The following SNX29 variants were observed in gnomAD, a reference collection of about 807,000 sequenced individuals.
SNX29 encodes the protein sorting nexin 29, also known as sorting nexin-29.
Under a neutral mutation model 102.1 loss-of-function variants are expected in SNX29, and 78 were observed. The ratio of observed to expected loss-of-function variants is 0.76; its 90% confidence interval spans 0.64 to 0.92. The LOEUF (loss-of-function observed/expected upper bound fraction) is 0.92, where lower values mean the gene tolerates loss of function less well. Ranked by LOEUF, SNX29 falls within the 40% of genes least tolerant of loss-of-function variation. The probability of loss-of-function intolerance (pLI) is 0.00; values close to 1 mark genes in which losing one functional copy is unlikely to be tolerated. For synonymous variants in SNX29, 580 were observed against 414.5 expected (o/e 1.40, Z -4.85); for missense variants, 1,280 against 1,061.7 (o/e 1.21, Z -2.86).
chr16:12,218,220 T>C (rs1016797244), intron 14 of SNX29, among the ~76,000 whole-genome samples: 1 of 152,260 alleles, frequency 6.6e-6, no homozygotes, highest in Non-Finnish European at 1.5e-5. Context: ...ATGAGTAATA[T>C]ATGCCCTTTA....
At chr16:12,295,211 C>G (rs1160534252) in intron 15 of SNX29, among the ~76,000 whole-genome samples, 15 of 152,164 alleles carry the variant, frequency 9.9e-5, no homozygotes, top group Admixed American at 9.8e-4. Flanking sequence ...CTTCCCATGT[C>G]CTTGCTTCTC....
chr16:12,254,949 C>T (rs770956969), intron 14 of SNX29, among the ~76,000 whole-genome samples: 2 of 152,100 alleles, frequency 1.3e-5, no homozygotes, highest in African/African-American at 2.4e-5. Flanking sequence ...TGGCTGCAGA[C>T]AGGAGTAAGG....
intron 20 of SNX29, among the ~76,000 whole-genome samples, chr16:12,556,755 A>C (rs3135015): frequency 2.6e-5 from 4 of 152,080 alleles, no homozygotes; most frequent in African/African-American, 9.6e-5. Context: ...AAATTAAGGC[A>C]CCCCCAGAGT....
At chr16:12,492,845 A>T (rs1297340557) in intron 19 of SNX29, among the ~76,000 whole-genome samples, 3 of 152,162 alleles carry the variant, frequency 2.0e-5, no homozygotes, top group African/African-American at 7.2e-5. Flanking sequence ...GGTTGTAGAT[A>T]TGCAGCATTA....
At chr16:12,357,044 G>A (rs2082155074) in intron 16 of SNX29, among the ~76,000 whole-genome samples, 1 of 152,184 alleles carries the variant, frequency 6.6e-6, no homozygotes, top group African/African-American at 2.4e-5. Context: ...TAAACATTTA[G>A]GATGTCTCCA....
chr16:12,160,254 G>T (rs2055727409), intron 13 of SNX29, among the ~76,000 whole-genome samples: 1 of 152,202 alleles, frequency 6.6e-6, no homozygotes, highest in African/African-American at 2.4e-5. Flanking sequence ...TCATGTTGCT[G>T]AGGGGCGTCA....
At chr16:12,408,777 G>A (rs563304162) in intron 18 of SNX29, among the ~76,000 whole-genome samples, 67 of 152,304 alleles carry the variant, frequency 4.4e-4, no homozygotes, top group African/African-American at 1.5e-3. Flanking sequence ...CCAAGATTGC[G>A]CCATTGCACT....
chr16:12,163,453 A>C (rs971511089), intron 13 of SNX29, among the ~76,000 whole-genome samples: 3 of 152,092 alleles, frequency 2.0e-5, no homozygotes, highest in African/African-American at 7.3e-5. Context: ...AAGTGGACAG[A>C]GGCCAGACCA....
At chr16:12,547,681 C>T (rs993546168) in intron 20 of SNX29, among the ~76,000 whole-genome samples, 2 of 152,248 alleles carry the variant, frequency 1.3e-5, no homozygotes, top group Middle Eastern at 3.4e-3. Flanking sequence ...GTAATAAAAC[C>T]TGGCCCCCGC....
At chr16:12,406,040 G>A (rs4781225) in intron 18 of SNX29, among the ~76,000 whole-genome samples, 82,958 of 150,724 alleles carry the variant, frequency 0.55, 23,435 homozygotes, top group Non-Finnish European at 0.62. Context: ...CTCAAAAAAA[G>A]AAAACAAGTA....
intron 20 of SNX29, among the ~76,000 whole-genome samples, chr16:12,554,594 C>T (rs139490176): frequency 2.0e-5 from 3 of 152,280 alleles, no homozygotes; most frequent in Non-Finnish European, 2.9e-5. Context: ...TTGGAGCTCC[C>T]AAGCCAGAGG....
intron 18 of SNX29, among the ~76,000 whole-genome samples, chr16:12,468,334 C>T (rs575395206): frequency 6.6e-6 from 1 of 151,998 alleles, no homozygotes; most frequent in East Asian, 1.9e-4. Flanking sequence ...GCCACCATGC[C>T]CCGCTAATTT....
chr16:12,314,236 C>T (rs914942761), intron 15 of SNX29, among the ~76,000 whole-genome samples: 1 of 152,216 alleles, frequency 6.6e-6, no homozygotes, highest in Non-Finnish European at 1.5e-5. Flanking sequence ...TGGTCTCAAA[C>T]GATTCTCCTG....
intron 11 of SNX29, among the ~76,000 whole-genome samples, chr16:12,125,174 A>G (rs2054151440): frequency 6.6e-6 from 1 of 152,198 alleles, no homozygotes; most frequent in South Asian, 2.1e-4. Context: ...GTCACAAAAC[A>G]GCCAATGAGG....
chr16:12,545,273 A>G (rs149011518), intron 20 of SNX29, among the ~76,000 whole-genome samples: 7 of 152,360 alleles, frequency 4.6e-5, no homozygotes, highest in African/African-American at 1.7e-4. Context: ...CTGTTGAGAA[A>G]TTGGTTTGCC....
intron 13 of SNX29, among the ~76,000 whole-genome samples, chr16:12,145,481 T>C (rs350267): frequency 0.13 from 20,111 of 152,122 alleles, 2,088 homozygotes; most frequent in African/African-American, 0.29. Context: ...TTAAGGTTTT[T>C]CCCTTAAGTT....
intron 11 of SNX29, among the ~76,000 whole-genome samples, chr16:12,119,126 G>GTGACTCC (rs1442848797): frequency 6.6e-6 from 1 of 152,208 alleles, no homozygotes; most frequent in Admixed American, 6.5e-5. Flanking sequence ...GTGTAAAAAT[G>GTGACTCC]TGACTCCTGG....
rs183473944 is a variant in SNX29 at position 12,385,042 on chromosome 16, C to A, written c.1900-13404C>A. On this transcript the variant is annotated intron_variant, in intron 16 of 20. Coordinates refer to ENST00000566228, the MANE Select transcript of SNX29 (RefSeq NM_032167.5). ...AAAAGTAGCTGGGCATGGCGGCGCA[C>A]GCCTATAGTACTAGCTACTTGGGAG... Among the ~76,000 whole-genome samples the A allele has an allele frequency of 2.2e-3, 334 of 152,290 alleles. 2 individuals are homozygous for A. Among genetic ancestry groups the A allele is most frequent in the African/African-American group, 7.3e-3 (304 of 41,584 alleles).
intron 20 of SNX29, among the ~76,000 whole-genome samples, chr16:12,550,680 C>CA (rs888511198): frequency 3.9e-5 from 6 of 152,112 alleles, no homozygotes; most frequent in Non-Finnish European, 8.8e-5. Flanking sequence ...GGAAGACTCA[C>CA]TTTTTCATGT....
Sources: allele counts gnomAD v4.1 joint callset (sites outside exome capture counted in the v4.1 genomes callset), GRCh38; gene constraint gnomAD v4.1.1; transcripts MANE v1.5; gene names NCBI Gene and HGNC (gene_info 2026-07-23, HGNC 2026-07-21).